The following PIK3C2B variants were observed in gnomAD, a reference collection of about 807,000 sequenced individuals.
PIK3C2B encodes the protein phosphatidylinositol 4-phosphate 3-kinase C2 domain-containing subunit beta.
A neutral mutation model predicts 184.3 loss-of-function variants in PIK3C2B; 83 were observed. That is an observed-to-expected ratio of 0.45 (90% CI 0.38 to 0.54). The LOEUF is 0.54. Among genes scored for constraint, PIK3C2B ranks in the 20% least tolerant of loss-of-function variants. The pLI is 0.00. For missense variants in PIK3C2B, 1,736 were observed against 2,113.5 expected (o/e 0.82, Z 3.50); for synonymous variants, 779 against 837.6 (o/e 0.93, Z 1.21).
intron 23 of PIK3C2B, chr1:204,435,508 G>A (rs1041484325): frequency 2.0e-5 from 3 of 152,052 alleles, no homozygotes; most frequent in Non-Finnish European, 2.9e-5. Flanking sequence ...ACTAGATATG[G>A]AATGCCCGCC....
chr1:204,456,924 A>ACACCCC (rs377111253), intron 10 of PIK3C2B, 113 bp downstream of exon 10: 256 of 547,892 alleles, frequency 4.7e-4, no homozygotes, highest in African/African-American at 4.7e-3. Flanking sequence ...ACACACACAC[A>ACACCCC]CCAGCCGAAC....
At position 204,494,799 on chromosome 1, in the gene PIK3C2B, C is replaced by G. The variant is rs936137843; in HGVS notation, c.-528G>C. The G allele has an allele frequency of 3.3e-5, 5 of 152,186 alleles. No homozygotes were observed. The highest frequency in any genetic ancestry group is 7.3e-5 in the Non-Finnish European group (5 of 68,034). The allele number at this position is 152,186 out of a possible 1,614,324, so 9.4% of individuals were successfully genotyped here. A position where few individuals can be genotyped will look rare whatever the true frequency, so the allele number is the denominator to read the frequency against. The stretch of plus-strand genomic sequence containing the variant: ...CGGCCGCCGGCTCCAGCCGCAGCGC[C>G]GAATCCGCCGCGAGCCGGAGGGCGG... On this transcript the variant is annotated 5_prime_UTR_variant, in exon 1 of 33. Coordinates refer to ENST00000684373, the MANE Select transcript of PIK3C2B (RefSeq NM_001377334.1).
Position 204,460,683 on chromosome 1 carries a change from A to G in PIK3C2B, c.1311-22T>C, listed in dbSNP as rs574986176. 2.1e-6 allele frequency: 3 copies of G among 1,450,472 alleles called. No homozygotes were observed. The East Asian group carries it at 6.8e-5, about 33-fold the overall frequency. The allele number at this position is 1,450,472 out of a possible 1,614,324, so 89.9% of individuals were successfully genotyped here. ...CTTGCTGGTAGGGTAGAGGGACAAG[A>G]CCATTAGCATCCTGGGGACTCAGTG... On this transcript the variant is annotated intron_variant, in intron 5 of 32. Transcript: ENST00000684373.
At chr1:204,437,929 G>A (rs750682884) in intron 23 of PIK3C2B, among the ~76,000 whole-genome samples, 7 of 152,180 alleles carry the variant, frequency 4.6e-5, no homozygotes, top group Non-Finnish European at 7.3e-5. Flanking sequence ...GAATGGCTTC[G>A]GAGGTCATCA....
intron 1 of PIK3C2B, among the ~76,000 whole-genome samples, chr1:204,471,857 C>G (rs1243373922): frequency 6.6e-6 from 1 of 152,218 alleles, no homozygotes; most frequent in Non-Finnish European, 1.5e-5. Context: ...AATTACTCAG[C>G]TTGCACTAGG....
At chr1:204,429,106 C>T (rs1392968887) in intron 29 of PIK3C2B, among the ~76,000 whole-genome samples, 1 of 151,688 alleles carries the variant, frequency 6.6e-6, no homozygotes, top group Admixed American at 6.6e-5. Flanking sequence ...CCCATGCCTA[C>T]AGTCCCAGCT....
intron 16 of PIK3C2B, 53 bp from the exon 17 acceptor site, chr1:204,444,477 CTG>C: frequency 7.4e-7 from 1 of 1,358,282 alleles, no homozygotes; most frequent in Non-Finnish European, 1.0e-6. Flanking sequence ...TGAGGCACAG[CTG>C]TGAGCCCAGC....
chr1:204,464,681 G>A (rs973995187), intron 3 of PIK3C2B, 77 bp from the exon 4 acceptor site: 2 of 1,388,772 alleles, frequency 1.4e-6, no homozygotes, highest in African/African-American at 2.9e-5. Context: ...GGAACCTCAT[G>A]CTCTGAGGCT....
intron 31 of PIK3C2B, among the ~76,000 whole-genome samples, chr1:204,427,342 G>A (rs1481215224): frequency 6.6e-6 from 1 of 152,170 alleles, no homozygotes; most frequent in Non-Finnish European, 1.5e-5. Context: ...CAGGCATGGT[G>A]TTAAGTATTC....
rs1278799203 is a variant in PIK3C2B, at chr1:204,455,904, G to A, written c.1895C>T (p.Ala632Val). The change falls in exon 11 of 33, where the codon GCC (alanine) becomes GTC (valine). Residue 632 changes from alanine (A) to valine (V), a missense_variant. Physicochemically the swap from Ala to Val is moderately conservative, Grantham distance 64 (BLOSUM62 0). Transcript: ENST00000684373. ...QEACHFARSL[A>V]FTVYATHRIP... ...GCGGTGGGTGGCATAGACAGTGAAG[G>A]CCAGGGACCTGGCGAAATGGCAGGC... 1 of 1,614,154 alleles carries A rather than the reference G, an allele frequency of 6.2e-7. No homozygotes were observed. Among genetic ancestry groups the A allele is most frequent in the South Asian group, 1.1e-5 (1 of 91,070 alleles).
rs1654135442 is a variant in PIK3C2B at position 204,449,203 on chromosome 1, T to G, written c.2328A>C (p.Pro776=). Residue 776 remains proline (P), a synonymous_variant, in exon 14 of 33, where the codon CCA becomes CCC. Coordinates refer to ENST00000684373, the MANE Select transcript of PIK3C2B (RefSeq NM_001377334.1). The part of the protein sequence containing the change: ...ARWSAPNFHQ[P]DSVILQIDFP... Reference sequence around the variant, plus strand: ...GCCTCACCTGCAGGATGACACTGTCTGGCTGGTGGAAATTAGGTGCACTCC... The same window carrying G: ...GCCTCACCTGCAGGATGACACTGTCGGGCTGGTGGAAATTAGGTGCACTCC... 1 of 1,611,582 alleles carries G rather than the reference T, an allele frequency of 6.2e-7. No individual in the cohort carries two copies. The highest frequency in any genetic ancestry group is 8.5e-7 in the Non-Finnish European group (1 of 1,178,828).
chr1:204,423,118 G>C lies in PIK3C2B; in HGVS notation c.*1734C>G, dbSNP rs1674572692. 6.6e-6 allele frequency: 1 copy of C among 152,170 alleles called. No homozygotes were observed. Among genetic ancestry groups the C allele is most frequent in the African/African-American group, 2.4e-5 (1 of 41,432 alleles). 9.4% of individuals were successfully genotyped at this position (152,170 alleles called of 1,614,324 possible). On this transcript the variant is annotated 3_prime_UTR_variant, in exon 33 of 33. Transcript: ENST00000684373. ...GTCCCTCCCTCCTTTTGGCGAGGAAGACAACCCTTTGGAGCGAAACACAAA... is the reference window on the plus strand; with the variant it reads ...GTCCCTCCCTCCTTTTGGCGAGGAACACAACCCTTTGGAGCGAAACACAAA...
At chr1:204,482,006 T>A (rs1347899607) in intron 1 of PIK3C2B, among the ~76,000 whole-genome samples, 2 of 151,528 alleles carry the variant, frequency 1.3e-5, no homozygotes, top group Non-Finnish European at 2.9e-5. Flanking sequence ...CCCAGGGCCA[T>A]TTGCATTAAA....
rs542876068 is a variant in PIK3C2B at position 204,452,689 on chromosome 1, C to G, written c.2066+1980G>C. On this transcript the variant is annotated intron_variant, in intron 12 of 32. Coordinates refer to ENST00000684373, the MANE Select transcript of PIK3C2B (RefSeq NM_001377334.1). Reference sequence around the variant, plus strand: ...TTTTTTTTTAAGATAGGGTCTCACTCTGTTGCCCAGGCTATAGTGCAGTGG... The same window carrying G: ...TTTTTTTTTAAGATAGGGTCTCACTGTGTTGCCCAGGCTATAGTGCAGTGG... 1.2e-3 allele frequency among the ~76,000 whole-genome samples: 137 copies of G among 118,424 alleles called. 1 individual carries two copies. Among genetic ancestry groups the G allele is most frequent in the African/African-American group, 3.9e-3 (125 of 31,728 alleles). 77.7% of individuals were successfully genotyped at this position (118,424 alleles called of 152,430 possible).
chr1:204,462,832 T>A (rs1249272501), intron 5 of PIK3C2B, among the ~76,000 whole-genome samples: 2 of 152,152 alleles, frequency 1.3e-5, no homozygotes, highest in Admixed American at 1.3e-4. Flanking sequence ...GGCGGGCAGA[T>A]CACCCGAGGT....
At chr1:204,451,955 G>A (rs1176238914) in intron 12 of PIK3C2B, among the ~76,000 whole-genome samples, 15 of 152,194 alleles carry the variant, frequency 9.9e-5, no homozygotes, top group Non-Finnish European at 8.8e-5. Context: ...TGAAAGACCT[G>A]CCCCAGGCTG....
In PIK3C2B at chr1:204,433,574, C is replaced by T. The variant is rs1439746057; in HGVS notation, c.3844-149G>A. 4.2e-6 allele frequency: 3 copies of T among 711,622 alleles called. No individual in the cohort carries two copies. Among genetic ancestry groups the T allele is most frequent in the Non-Finnish European group, 7.2e-6 (3 of 414,902 alleles). 44.1% of individuals were successfully genotyped at this position (711,622 alleles called of 1,614,324 possible). A position where few individuals can be genotyped will look rare whatever the true frequency, so the allele number is the denominator to read the frequency against. On this transcript the variant is annotated intron_variant, in intron 25 of 32. Coordinates refer to ENST00000684373, the MANE Select transcript of PIK3C2B (RefSeq NM_001377334.1). The surrounding 1 kb of genome is among the most constrained non-coding windows in gnomAD (Gnocchi z 5.0). The stretch of plus-strand genomic sequence containing the variant: ...GATGCTGTGGGCAGTGGCTGGAGGG[C>T]CACAGGAACTGAAGGGCTGGAGCAG...
At chr1:204,468,326 T>A (rs968173992) in intron 2 of PIK3C2B, among the ~76,000 whole-genome samples, 6 of 151,950 alleles carry the variant, frequency 3.9e-5, no homozygotes, top group African/African-American at 1.5e-4. Flanking sequence ...AGGCCAGGGC[T>A]GAATGCTGGC....
intron 5 of PIK3C2B, among the ~76,000 whole-genome samples, chr1:204,461,349 C>T (rs377668458): frequency 6.0e-4 from 91 of 152,300 alleles, no homozygotes; most frequent in Non-Finnish European, 1.0e-3. Flanking sequence ...CCTAGGAGCC[C>T]TCGGCGATCC....
Sources: allele counts gnomAD v4.1 joint callset (sites outside exome capture counted in the v4.1 genomes callset), GRCh38; gene constraint gnomAD v4.1.1; non-coding constraint Gnocchi (gnomAD v3.1); transcripts MANE v1.5; gene names NCBI Gene and HGNC (gene_info 2026-07-23, HGNC 2026-07-21).